Variants in ADAMTS8 observed in about 807,000 individuals in gnomAD.
ADAMTS8 encodes ADAM metallopeptidase with thrombospondin type 1 motif 8, also known as A disintegrin and metalloproteinase with thrombospondin motifs 8.
A neutral mutation model predicts 64.4 loss-of-function variants in ADAMTS8; 50 were observed. That is an observed-to-expected ratio of 0.78 (90% CI 0.62 to 0.98). The LOEUF is 0.98. Among genes scored for constraint, ADAMTS8 ranks in the 50% least tolerant of loss-of-function variants. The pLI, the probability that ADAMTS8 is intolerant of heterozygous loss-of-function variation, is 0.00. For synonymous variants in ADAMTS8, 556 were observed against 533.6 expected (o/e 1.04, Z -0.58); for missense variants, 1,192 against 1,208.2 (o/e 0.99, Z 0.20).
chr11:130,414,769 A>T lies in ADAMTS8; in HGVS notation c.1328T>A (p.Met443Lys), dbSNP rs768543402. ...CTGCTGGTCCAGCTGGTACAGGGCC[A>T]TGCGGCCCGGGAGGCCTGTGGGGAG... ...LPLPTGLPGR[M>K]ALYQLDQQCR... is the part of the protein sequence containing the mutation. Residue 443 changes from methionine to lysine, a missense_variant, in exon 5 of 9, where the codon ATG becomes AAG. This residue lies in a region of ADAMTS8 where 741 missense variants were observed against 710.6 expected (regional missense o/e 1.04). Coordinates refer to ENST00000257359, the MANE Select transcript of ADAMTS8 (RefSeq NM_007037.6). 6.2e-7 allele frequency: 1 copy of T among 1,613,366 alleles called. No individual in the cohort carries two copies. Among genetic ancestry groups the T allele is most frequent in the Non-Finnish European group, 8.5e-7 (1 of 1,180,002 alleles).
At chr11:130,424,588 C>G (rs894754057) in intron 1 of ADAMTS8, among the ~76,000 whole-genome samples, 3 of 152,180 alleles carry the variant, frequency 2.0e-5, no homozygotes, top group African/African-American at 7.2e-5. Context: ...AGAGTGCCTT[C>G]CCTCTGTGTG....
At chr11:130,426,497 G>A (rs981264195) in intron 1 of ADAMTS8, among the ~76,000 whole-genome samples, 2 of 152,162 alleles carry the variant, frequency 1.3e-5, no homozygotes, top group African/African-American at 4.8e-5. Context: ...TATGACGTCT[G>A]GGCAGGTCAG....
chr11:130,424,849 C>A (rs899576045), intron 1 of ADAMTS8, among the ~76,000 whole-genome samples: 1 of 152,142 alleles, frequency 6.6e-6, no homozygotes, highest in Non-Finnish European at 1.5e-5. Flanking sequence ...CCCTCCCCCA[C>A]CCGCCACGGT....
chr11:130,421,262 G>A (rs531410435), intron 1 of ADAMTS8, among the ~76,000 whole-genome samples: 160 of 152,282 alleles, frequency 1.1e-3, no homozygotes, highest in African/African-American at 3.3e-3. Flanking sequence ...AGTGAAGACC[G>A]GAGGAAGGTG....
chr11:130,427,751 C>G lies in ADAMTS8; in HGVS notation c.536G>C (p.Arg179Thr). ...CTCGCTGTCCTCCTGGTGGTCTCCT[C>G]TCTCCTGCCTCTGACCCTCTCCCGT... ...VETGEGQRQE[R>T]GDHQEDSEEE... is the part of the protein sequence containing the mutation. The change falls in exon 1 of 9, where the codon AGA becomes ACA. Residue 179 changes from arginine (R) to threonine (T), a missense_variant. Physicochemically the swap from Arg to Thr is moderately conservative, Grantham distance 71. Around this residue, in one of 5 missense-constraint regions of ADAMTS8, gnomAD observed 741 missense variants for 710.6 expected, o/e 1.04. Coordinates refer to ENST00000257359, the MANE Select transcript of ADAMTS8 (RefSeq NM_007037.6). The G allele has an allele frequency of 1.3e-6, 2 of 1,595,342 alleles. No homozygotes were observed. Among genetic ancestry groups the G allele is most frequent in the Non-Finnish European group, 1.7e-6 (2 of 1,171,948 alleles).
rs527812784 is a variant in ADAMTS8 at position 130,405,032 on chromosome 11, C to T, written c.*526G>A. ...ACATGTGGCTCTCCAAACCCTGCGA[C>T]GCTGCGGCCCTTTAGGTGATGGATT... On this transcript the variant is annotated 3_prime_UTR_variant, in exon 9 of 9. Transcript: ENST00000257359. The T allele has an allele frequency of 5.7e-5, 56 of 986,938 alleles. No individual in the cohort carries two copies. The South Asian group carries it at 1.1e-3, about 20-fold the overall frequency. The allele number at this position is 986,938 out of a possible 1,614,324, so 61.1% of individuals were successfully genotyped here.
rs755016007 is a variant in ADAMTS8, at chr11:130,408,510, T to C, written c.2053A>G (p.Lys685Glu). Reference sequence around the variant, plus strand: ...GAGACCTTCCTGCAGGAGTTGCCTTTGCCCCCACACACCCCGCATTTGTCC... The same window carrying C: ...GAGACCTTCCTGCAGGAGTTGCCTTCGCCCCCACACACCCCGCATTTGTCC... ...KLDKCGVCGG[K>E]GNSCRKVSGS... is the part of the protein sequence containing the mutation. Residue 685 changes from lysine to glutamate, a missense_variant, in exon 8 of 9, where the codon AAA (lysine) becomes GAA (glutamate). By Grantham distance (56) the Lys-to-Glu change is moderately conservative. Transcript: ENST00000257359. 1.2e-6 allele frequency: 2 copies of C among 1,614,052 alleles called. No homozygotes were observed. Among genetic ancestry groups the C allele is most frequent in the Admixed American group, 1.7e-5 (1 of 60,016 alleles).
rs769399114 is a variant in ADAMTS8 at position 130,405,282 on chromosome 11, AAT to A, written c.*274_*275del. 280 of 1,238,904 alleles carry A rather than the reference AAT, an allele frequency of 2.3e-4. No individual in the cohort carries two copies. The highest frequency in any genetic ancestry group is 2.5e-4 in the Non-Finnish European group (252 of 990,962). The allele number at this position is 1,238,904 out of a possible 1,614,324, so 76.7% of individuals were successfully genotyped here. On this transcript the variant is annotated 3_prime_UTR_variant, in exon 9 of 9. Transcript: ENST00000257359. ...TGACGCTGAGTGTCCTGTCTGAGTC[AAT>A]AAGTGCACTTTTACCTTTTAACCTA... is the stretch of plus-strand genomic sequence containing the variant.
At position 130,405,643 on chromosome 11, in the gene ADAMTS8, G is replaced by A. The variant is rs1416615227; in HGVS notation, c.2585C>T (p.Pro862Leu). The change falls in exon 9 of 9, where the codon CCC becomes CTC. Residue 862 changes from proline to leucine, a missense_variant. By Grantham distance (98) the Pro-to-Leu change is moderately conservative. This residue lies in a region of ADAMTS8 where 147 missense variants were observed against 154.1 expected (regional missense o/e 0.95). Transcript: ENST00000257359. ...GCAGGTGGCAGAGGCCTGGCCGGAGGGGTCCCTGCACTCTACAGTTCGCCT... is the reference window on the plus strand; with the variant it reads ...GCAGGTGGCAGAGGCCTGGCCGGAGAGGTCCCTGCACTCTACAGTTCGCCT... Reference protein sequence around the residue: ...WQRRTVECRDPSGQASATCNK... With the variant: ...WQRRTVECRDLSGQASATCNK... The A allele has an allele frequency of 6.2e-7, 1 of 1,614,046 alleles. No individual in the cohort carries two copies. Among genetic ancestry groups the A allele is most frequent in the South Asian group, 1.1e-5 (1 of 91,076 alleles).
intron 2 of ADAMTS8, among the ~76,000 whole-genome samples, chr11:130,417,753 C>T (rs922432699): frequency 2.6e-5 from 4 of 152,118 alleles, no homozygotes; most frequent in African/African-American, 9.7e-5. Context: ...GAAGACGCAA[C>T]AGCAGTTTCA....
chr11:130,419,756 T>C (rs1862075832), intron 1 of ADAMTS8, among the ~76,000 whole-genome samples: 1 of 152,230 alleles, frequency 6.6e-6, no homozygotes. Context: ...CACCGTCTCC[T>C]TGCCAACCAC....
At chr11:130,422,778 G>T (rs1457227539) in intron 1 of ADAMTS8, among the ~76,000 whole-genome samples, 3 of 152,202 alleles carry the variant, frequency 2.0e-5, no homozygotes, top group African/African-American at 7.2e-5. Flanking sequence ...GAAAGAGAAG[G>T]TTCCTCTGCC....
chr11:130,405,261 G>A lies in ADAMTS8; in HGVS notation c.*297C>T, dbSNP rs1431009219. The A allele has an allele frequency of 5.1e-6, 6 of 1,179,024 alleles. No individual in the cohort carries two copies. Among genetic ancestry groups the A allele is most frequent in the Admixed American group, 4.2e-5 (1 of 23,934 alleles). The allele number at this position is 1,179,024 out of a possible 1,614,324, so 73.0% of individuals were successfully genotyped here. ...GCTAGTCCTTTGCAAACAGACTGAC[G>A]CTGAGTGTCCTGTCTGAGTCAATAA... is the stretch of plus-strand genomic sequence containing the variant. On this transcript the variant is annotated 3_prime_UTR_variant, in exon 9 of 9. Transcript: ENST00000257359.
chr11:130,407,321 G>A (rs999962868), intron 8 of ADAMTS8, among the ~76,000 whole-genome samples: 18 of 152,132 alleles, frequency 1.2e-4, no homozygotes, highest in African/African-American at 4.1e-4. Flanking sequence ...AGCCAAGATC[G>A]TGCCACCGCA....
chr11:130,411,782 C>T lies in ADAMTS8; in HGVS notation c.1567-182G>A. The T allele has an allele frequency of 1.5e-6, 1 of 654,018 alleles. No homozygotes were observed. The highest frequency in any genetic ancestry group is 2.6e-6 in the Non-Finnish European group (1 of 385,460). The allele number at this position is 654,018 out of a possible 1,614,324, so 40.5% of individuals were successfully genotyped here. A position where few individuals can be genotyped will look rare whatever the true frequency, so the allele number is the denominator to read the frequency against. On this transcript the variant is annotated intron_variant, in intron 5 of 8. Transcript: ENST00000257359. This position sits in a 1 kb window ranked among gnomAD's most constrained non-coding sequence, Gnocchi z 4.2. ...TGTGGCCTGCATGGCTTTGTGAGCA[C>T]AGAGACCAGGCTGGACTCATTCACT...
intron 8 of ADAMTS8, 114 bp downstream of exon 8, chr11:130,408,350 G>T: frequency 7.9e-7 from 1 of 1,267,412 alleles, no homozygotes; most frequent in Non-Finnish European, 1.1e-6. Context: ...TAAATAACTT[G>T]CCCAACCCTC....
In ADAMTS8 at chr11:130,412,983, G is replaced by A. The variant is rs530395169; in HGVS notation, c.1567-1383C>T. Among the ~76,000 whole-genome samples the A allele has an allele frequency of 2.0e-5, 3 of 152,210 alleles. No individual in the cohort carries two copies. In the East Asian group the frequency reaches 5.8e-4, roughly 29 times the overall value. On this transcript the variant is annotated intron_variant, in intron 5 of 8. Coordinates refer to ENST00000257359, the MANE Select transcript of ADAMTS8 (RefSeq NM_007037.6). ...CCTCCTGGGTTCAAGTGATTCTCCTGTCTTGGCCTCTGGAGTAGCTGGGAT... is the reference window on the plus strand; with the variant it reads ...CCTCCTGGGTTCAAGTGATTCTCCTATCTTGGCCTCTGGAGTAGCTGGGAT...
intron 5 of ADAMTS8, among the ~76,000 whole-genome samples, chr11:130,414,003 G>A (rs1342913256): frequency 2.1e-4 from 32 of 152,082 alleles, no homozygotes; most frequent in Admixed American, 2.0e-3. Context: ...CCCACTGACC[G>A]AGGGGATAGC....
chr11:130,406,027 G>T lies in ADAMTS8; in HGVS notation c.2201C>A (p.Ala734Glu), dbSNP rs749975173. 2 of 1,614,056 alleles carry T rather than the reference G, an allele frequency of 1.2e-6. No homozygotes were observed. Among genetic ancestry groups the T allele is most frequent in the South Asian group, 1.1e-5 (1 of 91,086 alleles). The change falls in exon 9 of 9, where the codon GCG becomes GAG. Residue 734 changes from alanine (A) to glutamate (E), a missense_variant. By Grantham distance (107) the Ala-to-Glu change is moderately radical (BLOSUM62 -1). Transcript: ENST00000257359. ...GTACTGCCCATCAGCCGTCTTCAGC[G>T]CCAGGTAGTTCCCATCGTTCTGCAC... The part of the protein sequence containing the change: ...PGVQNDGNYL[A>E]LKTADGQYLL...
Sources: allele counts gnomAD v4.1 joint callset (sites outside exome capture counted in the v4.1 genomes callset), GRCh38; gene constraint gnomAD v4.1.1; regional missense constraint gnomAD v4.1.1; non-coding constraint Gnocchi (gnomAD v3.1); transcripts MANE v1.5; gene names NCBI Gene and HGNC (gene_info 2026-07-23, HGNC 2026-07-21).